The following WWP1 variants were observed in gnomAD, a reference collection of about 807,000 sequenced individuals.
WWP1 encodes WW domain containing E3 ubiquitin protein ligase 1, also known as NEDD4-like E3 ubiquitin-protein ligase WWP1.
A neutral mutation model predicts 130.6 loss-of-function variants in WWP1; 49 were observed. The observed-to-expected ratio is 0.38, with a 90% CI of 0.30 to 0.48. WWP1 has a LOEUF of 0.48. Ranked by LOEUF, WWP1 falls within the 20% of genes least tolerant of loss-of-function variation. WWP1 has a pLI of 0.99. For missense variants in WWP1, 809 were observed against 1,100.6 expected (o/e 0.74, Z 3.75); for synonymous variants, 332 against 367.8 (o/e 0.90, Z 1.11).
chr8:86,383,002 G>A (rs1441386738), intron 5 of WWP1, among the ~76,000 whole-genome samples: 3 of 152,120 alleles, frequency 2.0e-5, no homozygotes, highest in Non-Finnish European at 4.4e-5. Context: ...TTAAAGATCT[G>A]TTTTGATCTA....
At chr8:86,426,833 A>G (rs533493481) in intron 10 of WWP1, among the ~76,000 whole-genome samples, 1 of 152,324 alleles carries the variant, frequency 6.6e-6, no homozygotes, top group Non-Finnish European at 1.5e-5. Flanking sequence ...TGCTTGGTAT[A>G]CAGCAAGCAC....
Position 86,363,462 on chromosome 8 carries a change from T to A in WWP1, c.-114-5477T>A, listed in dbSNP as rs151335168. 3.0e-3 allele frequency among the ~76,000 whole-genome samples: 462 copies of A among 152,220 alleles called. 2 individuals carry two copies. The highest frequency in any genetic ancestry group is 0.011 in the African/African-American group (440 of 41,530). ...AGGAGCTTAGTCCAAAAACAATGGCTTCCCATAAGTTTTTTTTTAACAAAG... is the reference window on the plus strand; with the variant it reads ...AGGAGCTTAGTCCAAAAACAATGGCATCCCATAAGTTTTTTTTTAACAAAG... On this transcript the variant is annotated intron_variant, in intron 1 of 24. Coordinates refer to ENST00000517970, the MANE Select transcript of WWP1 (RefSeq NM_007013.4).
intron 9 of WWP1, among the ~76,000 whole-genome samples, chr8:86,423,607 C>T (rs1809359456): frequency 6.6e-6 from 1 of 152,146 alleles, no homozygotes; most frequent in Non-Finnish European, 1.5e-5. Context: ...AAAATGGAGT[C>T]TCCTATGTCT....
At chr8:86,430,255 G>T (rs1809861438) in intron 11 of WWP1, among the ~76,000 whole-genome samples, 1 of 151,928 alleles carries the variant, frequency 6.6e-6, no homozygotes, top group Non-Finnish European at 1.5e-5. Flanking sequence ...TTATAATGTG[G>T]ACCTATCTAT....
At chr8:86,372,143 C>T (rs931022150) in intron 2 of WWP1, among the ~76,000 whole-genome samples, 5 of 150,578 alleles carry the variant, frequency 3.3e-5, no homozygotes, top group African/African-American at 7.4e-5. Flanking sequence ...CCTGCCTCAG[C>T]CTCCCGTGTA....
chr8:86,431,079 G>A, intron 12 of WWP1, among the ~76,000 whole-genome samples: 2 of 121,508 alleles, frequency 1.6e-5, no homozygotes, highest in South Asian at 2.3e-4. Context: ...ATATTATAAG[G>A]GATATATATA....
At chr8:86,420,099 TG>T (rs1490506543) in intron 9 of WWP1, among the ~76,000 whole-genome samples, 1 of 152,174 alleles carries the variant, frequency 6.6e-6, no homozygotes, top group Non-Finnish European at 1.5e-5. Context: ...TTCCCAAAAC[TG>T]GGTAGTGAAA....
At chr8:86,439,768 G>C (rs1407895682) in intron 17 of WWP1, among the ~76,000 whole-genome samples, 2 of 152,070 alleles carry the variant, frequency 1.3e-5, no homozygotes, top group African/African-American at 4.8e-5. Flanking sequence ...TTCTGCCCCA[G>C]CCTAATTTGG....
intron 4 of WWP1, 146 bp from the exon 5 acceptor site, chr8:86,381,359 T>C (rs1824975340): frequency 2.0e-6 from 2 of 985,732 alleles, no homozygotes; most frequent in Non-Finnish European, 2.9e-6. Context: ...AGTAGTTTCC[T>C]GTTTCATACA....
At chr8:86,425,125 A>C in intron 9 of WWP1, 98 bp from the exon 10 acceptor site, 1 of 815,740 alleles carries the variant, frequency 1.2e-6, no homozygotes, top group Non-Finnish European at 1.9e-6. Context: ...CTTTTAATGT[A>C]AAGCTTATCT....
intron 1 of WWP1, among the ~76,000 whole-genome samples, chr8:86,357,794 G>A (rs1163918745): frequency 1.3e-5 from 2 of 152,148 alleles, no homozygotes; most frequent in Non-Finnish European, 2.9e-5. Context: ...GATTTTGCAG[G>A]AACAGTGTAT....
intron 5 of WWP1, among the ~76,000 whole-genome samples, chr8:86,393,064 T>TA (rs1184889679): frequency 2.0e-5 from 3 of 152,228 alleles, no homozygotes; most frequent in Non-Finnish European, 4.4e-5. Context: ...AGATGTTTAT[T>TA]AGTCATTCAT....
chr8:86,365,080 A>G (rs1008345314), intron 1 of WWP1, among the ~76,000 whole-genome samples: 3 of 152,110 alleles, frequency 2.0e-5, no homozygotes, highest in Admixed American at 2.0e-4. Flanking sequence ...AAAATTAGAG[A>G]GTAAGAGAAA....
intron 3 of WWP1, among the ~76,000 whole-genome samples, chr8:86,375,122 A>C (rs1381931069): frequency 6.6e-6 from 1 of 152,152 alleles, no homozygotes; most frequent in Non-Finnish European, 1.5e-5. Context: ...GAAGGAGGTG[A>C]AAAAAAGGTA....
At chr8:86,358,622 A>C (rs1823390532) in intron 1 of WWP1, among the ~76,000 whole-genome samples, 1 of 151,760 alleles carries the variant, frequency 6.6e-6, no homozygotes, top group Non-Finnish European at 1.5e-5. Flanking sequence ...ACAAGAATGC[A>C]CCACCACACC....
intron 20 of WWP1, among the ~76,000 whole-genome samples, chr8:86,451,542 G>A (rs1458907740): frequency 6.6e-6 from 1 of 152,188 alleles, no homozygotes; most frequent in Non-Finnish European, 1.5e-5. Flanking sequence ...GAAAAGAATA[G>A]TCTGAACACC....
chr8:86,452,497 GT>G, intron 20 of WWP1, 61 bp from the exon 21 acceptor site: 1 of 1,430,248 alleles, frequency 7.0e-7, no homozygotes, highest in Non-Finnish European at 9.5e-7. Flanking sequence ...AGTTCTTGGT[GT>G]TTTTAAGTAT....
intron 22 of WWP1, among the ~76,000 whole-genome samples, chr8:86,460,508 A>G (rs1013813019): frequency 1.3e-5 from 2 of 152,210 alleles, no homozygotes; most frequent in African/African-American, 4.8e-5. Context: ...TAAATCCATG[A>G]AAACCAGTGG....
At chr8:86,420,987 G>A (rs1245799880) in intron 9 of WWP1, among the ~76,000 whole-genome samples, 1 of 152,154 alleles carries the variant, frequency 6.6e-6, no homozygotes. Flanking sequence ...CAGGTTTTTA[G>A]GTATTCATTT....
Sources: allele counts gnomAD v4.1 joint callset (sites outside exome capture counted in the v4.1 genomes callset), GRCh38; gene constraint gnomAD v4.1.1; transcripts MANE v1.5; gene names NCBI Gene and HGNC (gene_info 2026-07-23, HGNC 2026-07-21).